The following MTA3 variants were observed in gnomAD, a reference collection of about 807,000 sequenced individuals.
MTA3 encodes metastasis-associated protein MTA3.
A neutral mutation model predicts 83.5 loss-of-function variants in MTA3; 34 were observed. The ratio of observed to expected loss-of-function variants is 0.41; its 90% confidence interval spans 0.31 to 0.54. MTA3 has a LOEUF of 0.54. Among genes scored for constraint, MTA3 ranks in the 20% least tolerant of loss-of-function variants. The pLI is 0.33. For missense variants in MTA3, 761 were observed against 726.4 expected (o/e 1.05, Z -0.55); for synonymous variants, 303 against 252.7 (o/e 1.20, Z -1.89).
At chr2:42,572,614 T>C (rs1356701053) in intron 2 of MTA3, among the ~76,000 whole-genome samples, 2 of 152,170 alleles carry the variant, frequency 1.3e-5, no homozygotes, top group Non-Finnish European at 2.9e-5. Flanking sequence ...AAATATAAAG[T>C]AGCTTTGTAC....
chr2:42,541,322 C>T (rs562345481), intron 2 of MTA3, among the ~76,000 whole-genome samples: 14 of 152,290 alleles, frequency 9.2e-5, no homozygotes, highest in South Asian at 2.1e-4. Context: ...TGAGCCACTG[C>T]GCCCAGCCCA....
At chr2:42,548,461 G>C (rs985021950) in intron 2 of MTA3, among the ~76,000 whole-genome samples, 17 of 151,630 alleles carry the variant, frequency 1.1e-4, no homozygotes, top group African/African-American at 4.1e-4. Flanking sequence ...GCAAGACTCC[G>C]TCTCAAAATA....
intron 2 of MTA3, among the ~76,000 whole-genome samples, chr2:42,543,962 A>G (rs1021182003): frequency 1.3e-5 from 2 of 152,014 alleles, no homozygotes; most frequent in Non-Finnish European, 2.9e-5. Context: ...AAGATAGCCG[A>G]GCCAAGGTGA....
At chr2:42,743,898 G>T (rs1029830444) in intron 16 of MTA3, among the ~76,000 whole-genome samples, 1 of 152,108 alleles carries the variant, frequency 6.6e-6, no homozygotes, top group African/African-American at 2.4e-5. Flanking sequence ...CTTAGGCCCA[G>T]GCTGCCTTCT....
chr2:42,586,734 AC>A (rs1680379265), intron 3 of MTA3, among the ~76,000 whole-genome samples: 1 of 152,004 alleles, frequency 6.6e-6, no homozygotes, highest in Non-Finnish European at 1.5e-5. Context: ...TAGGAAAAAT[AC>A]AAAAATTGGC....
chr2:42,711,889 G>C (rs1160527202), intron 14 of MTA3, among the ~76,000 whole-genome samples: 4 of 150,898 alleles, frequency 2.7e-5, no homozygotes, highest in African/African-American at 9.7e-5. Flanking sequence ...GTTAAGAATC[G>C]CTGTGATGCA....
At position 42,631,716 on chromosome 2, in the gene MTA3, G is replaced by A. The variant is rs183071443; in HGVS notation, c.318-8457G>A. Among the ~76,000 whole-genome samples, 1,094 of 152,248 alleles carry A rather than the reference G, an allele frequency of 7.2e-3. 26 individuals are homozygous for A. The highest frequency in any genetic ancestry group is 5.2e-3 in the Non-Finnish European group (355 of 68,024). On this transcript the variant is annotated intron_variant, in intron 4 of 16. Coordinates refer to ENST00000405094, the MANE Select transcript of MTA3 (RefSeq NM_001330442.2). Reference sequence around the variant, plus strand: ...TTTTATTATTATTTTTTGAGACGGAGTCTCCCTTAGTGACCCAGGCTGGAG... The same window carrying A: ...TTTTATTATTATTTTTTGAGACGGAATCTCCCTTAGTGACCCAGGCTGGAG...
chr2:42,611,677 G>T (rs1684237855), intron 4 of MTA3, among the ~76,000 whole-genome samples: 1 of 152,072 alleles, frequency 6.6e-6, no homozygotes, highest in Admixed American at 6.6e-5. Flanking sequence ...TTAGCTGAGC[G>T]TGGTGGTGTG....
chr2:42,580,054 C>G (rs1679447864), intron 3 of MTA3, among the ~76,000 whole-genome samples: 1 of 152,116 alleles, frequency 6.6e-6, no homozygotes, highest in Non-Finnish European at 1.5e-5. Flanking sequence ...AGCAATACCC[C>G]CACCTCAGCC....
chr2:42,497,532 C>T (rs1311310894), intron 2 of MTA3, among the ~76,000 whole-genome samples: 1 of 151,772 alleles, frequency 6.6e-6, no homozygotes, highest in Non-Finnish European at 1.5e-5. Context: ...TTGCAGTGAG[C>T]CGAGATCGCT....
At chr2:42,647,165 AAAC>A (rs1445965799) in intron 6 of MTA3, among the ~76,000 whole-genome samples, 1 of 151,226 alleles carries the variant, frequency 6.6e-6, no homozygotes, top group African/African-American at 2.4e-5. Flanking sequence ...TAAAAAAAAA[AAAC>A]AAAAAAGAAA....
chr2:42,753,284 A>T (rs1670018153), intron 16 of MTA3, 90 bp from the exon 17 acceptor site: 1 of 1,542,432 alleles, frequency 6.5e-7, no homozygotes, highest in African/African-American at 1.4e-5. Context: ...GAAGGTTGTG[A>T]TGTTGGGAGG....
At chr2:42,527,052 CAAAAAA>C (rs34030475) in intron 2 of MTA3, among the ~76,000 whole-genome samples, 2 of 45,332 alleles carry the variant, frequency 4.4e-5, no homozygotes, top group Non-Finnish European at 7.9e-5. Flanking sequence ...GACTCTGTCT[CAAAAAA>C]AAAAAAAAAA....
chr2:42,607,627 A>T (rs1278763304), intron 3 of MTA3, among the ~76,000 whole-genome samples: 4 of 152,182 alleles, frequency 2.6e-5, no homozygotes, highest in African/African-American at 9.7e-5. Flanking sequence ...TGCAGGCATG[A>T]GCCATCACAC....
intron 6 of MTA3, among the ~76,000 whole-genome samples, chr2:42,644,496 CTATTA>C (rs1236613964): frequency 1.3e-5 from 2 of 152,138 alleles, no homozygotes; most frequent in African/African-American, 4.8e-5. Flanking sequence ...AAAAGTGATG[CTATTA>C]TAGGTGTGGC....
At chr2:42,635,722 T>C (rs888342517) in intron 4 of MTA3, among the ~76,000 whole-genome samples, 1 of 152,202 alleles carries the variant, frequency 6.6e-6, no homozygotes, top group Admixed American at 6.5e-5. Context: ...ATACTGTTTG[T>C]TGAACAAGGC....
chr2:42,560,282 A>C (rs1487952121), intron 2 of MTA3, among the ~76,000 whole-genome samples: 1 of 150,746 alleles, frequency 6.6e-6, no homozygotes, highest in East Asian at 2.0e-4. Context: ...TCGGCCTCCC[A>C]AAGTGCGTGA....
chr2:42,567,252 G>A (rs547658376), upstream of MTA3, among the ~76,000 whole-genome samples: 10 of 152,314 alleles, frequency 6.6e-5, no homozygotes, highest in East Asian at 1.9e-3. Flanking sequence ...TGTGAAGGGG[G>A]AACTCACGTC....
chr2:42,754,393 A>G lies in MTA3; in HGVS notation c.*994A>G. On this transcript the variant is annotated 3_prime_UTR_variant, in exon 17 of 17. Coordinates refer to ENST00000405094, the MANE Select transcript of MTA3 (RefSeq NM_001330442.2). Reference sequence around the variant, plus strand: ...CCATGACCCCCACCCCTCCAGCCCAACATCTTGTGAGCACATGTGACCTAG... The same window carrying G: ...CCATGACCCCCACCCCTCCAGCCCAGCATCTTGTGAGCACATGTGACCTAG... 1.0e-6 allele frequency: 1 copy of G among 985,484 alleles called. No individual in the cohort carries two copies. The allele number at this position is 985,484 out of a possible 1,614,324, so 61.0% of individuals were successfully genotyped here.
Sources: gnomAD v4.1 joint callset for allele counts (sites outside exome capture counted in the v4.1 genomes callset) on GRCh38, gnomAD v4.1.1 for gene constraint, MANE v1.5 for transcripts, NCBI Gene and HGNC (gene_info 2026-07-23, HGNC 2026-07-21) for gene names.